IGF2R: variants seen among roughly 807,000 people sequenced by gnomAD.
The protein encoded by IGF2R is insulin like growth factor 2 receptor.
IGF2R carries 91 observed loss-of-function variants against 270.6 expected under a neutral mutation model. The observed-to-expected ratio is 0.34, with a 90% CI of 0.28 to 0.40. IGF2R has a LOEUF of 0.40. Among genes scored for constraint, IGF2R ranks in the 10% least tolerant of loss-of-function variants. The pLI, the probability that IGF2R is intolerant of heterozygous loss-of-function variation, is 1.00. For missense variants in IGF2R, 2,805 were observed against 3,188.3 expected (o/e 0.88, Z 2.90); for synonymous variants, 1,316 against 1,258.9 (o/e 1.05, Z -0.96).
chr6:160,023,412 C>T (rs1236117725), intron 4 of IGF2R, among the ~76,000 whole-genome samples: 6 of 151,982 alleles, frequency 3.9e-5, no homozygotes, highest in African/African-American at 1.2e-4. Context: ...ATCAAAGGCT[C>T]ATTTTAAATT....
In IGF2R at chr6:160,084,363, A is replaced by C. The variant is rs1779053164; in HGVS notation, c.6068+179A>C. Among the ~76,000 whole-genome samples, 1 of 152,148 alleles carries C rather than the reference A, an allele frequency of 6.6e-6. No homozygotes were observed. Among genetic ancestry groups the C allele is most frequent in the African/African-American group, 2.4e-5 (1 of 41,436 alleles). On this transcript the variant is annotated intron_variant, in intron 40 of 47. Coordinates refer to ENST00000356956, the MANE Select transcript of IGF2R (RefSeq NM_000876.4). This position sits in a 1 kb window ranked among gnomAD's most constrained non-coding sequence, Gnocchi z 4.6. ...GCCCGCAGTGTCAATCCTGGCACAG[A>C]GGGTGGTTCTGAGGTCAGAGTGGGG... is the stretch of plus-strand genomic sequence containing the variant.
chr6:160,061,575 C>T lies in IGF2R; in HGVS notation c.3335C>T (p.Ser1112Phe). Reference sequence around the variant, plus strand: ...AAACCTTGGACGGCTGTTGACACCTCTGTCGATGGGAGAAAGAGGACTTTC... The same window carrying T: ...AAACCTTGGACGGCTGTTGACACCTTTGTCGATGGGAGAAAGAGGACTTTC... Reference protein sequence around the residue: ...VRKPWTAVDTSVDGRKRTFYL... With the variant: ...VRKPWTAVDTFVDGRKRTFYL... The change falls in exon 24 of 48, where the codon TCT (serine) becomes TTT (phenylalanine). Residue 1112 changes from serine (S) to phenylalanine (F), a missense_variant. Physicochemically the swap from Ser to Phe is radical, Grantham distance 155. This residue lies in a region of IGF2R where 1,851 missense variants were observed against 2,207.2 expected (regional missense o/e 0.84). Transcript: ENST00000356956. 3 of 1,614,104 alleles carry T rather than the reference C, an allele frequency of 1.9e-6. No individual in the cohort carries two copies. In the South Asian group the frequency reaches 3.3e-5, roughly 18 times the overall value.
intron 1 of IGF2R, among the ~76,000 whole-genome samples, chr6:159,974,566 G>A (rs892189515): frequency 6.6e-6 from 1 of 152,272 alleles, no homozygotes; most frequent in African/African-American, 2.4e-5. Flanking sequence ...TATGGTTTGT[G>A]CTTTTGGTAG....
chr6:160,013,085 T>C (rs1048427501), intron 4 of IGF2R, among the ~76,000 whole-genome samples: 2 of 152,080 alleles, frequency 1.3e-5, no homozygotes, highest in African/African-American at 4.8e-5. Flanking sequence ...TCCAACCTGA[T>C]CATGATACCC....
Position 160,084,997 on chromosome 6 carries a change from A to G in IGF2R, c.6071A>G (p.Tyr2024Cys). ...SWSLVHNGVS[Y>C]YINLCQKIYK... is the part of the protein sequence containing the mutation. ...TGCCCCTTTGTGTCGTTTTCTAGGT[A>G]CTATATAAATCTGTGCCAGAAAATA... is the stretch of plus-strand genomic sequence containing the variant. Residue 2024 changes from tyrosine to cysteine, a missense_variant and splice_region_variant, in exon 41 of 48, where the codon TAC (tyrosine) becomes TGC (cysteine). Around this residue, in one of 2 missense-constraint regions of IGF2R, gnomAD observed 1,851 missense variants for 2,207.2 expected, o/e 0.84. Transcript: ENST00000356956. This position sits in a 1 kb window ranked among gnomAD's most constrained non-coding sequence, Gnocchi z 4.6. 3 of 1,613,320 alleles carry G rather than the reference A, an allele frequency of 1.9e-6. No individual in the cohort carries two copies. Among genetic ancestry groups the G allele is most frequent in the Non-Finnish European group, 2.5e-6 (3 of 1,179,378 alleles).
rs777070503 is a variant in IGF2R, at chr6:160,045,821, T to C, written c.1842T>C (p.Ala614=). 1.2e-6 allele frequency: 2 copies of C among 1,612,782 alleles called. No individual in the cohort carries two copies. The highest frequency in any genetic ancestry group is 3.3e-5 in the Admixed American group (2 of 59,910). ...TTTATGAGTTTGAGTGGCACACAGC[T>C]GCGGCCTGTGTGCTGTCTAAGACAG... ...GCFYEFEWHT[A]AACVLSKTEG... Residue 614 remains alanine (A), a synonymous_variant, in exon 14 of 48, where the codon GCT becomes GCC. Coordinates refer to ENST00000356956, the MANE Select transcript of IGF2R (RefSeq NM_000876.4).
chr6:160,084,151 C>G lies in IGF2R; in HGVS notation c.6035C>G (p.Thr2012Ser). 6.2e-7 allele frequency: 1 copy of G among 1,614,026 alleles called. No homozygotes were observed. The highest frequency in any genetic ancestry group is 8.5e-7 in the Non-Finnish European group (1 of 1,179,876). ...TYDLRLLSSL[T>S]GSWSLVHNGV... Reference sequence around the variant, plus strand: ...GACCTGCGGCTGCTCTCCTCTCTCACCGGGTCCTGGTCCCTCGTCCACAAC... The same window carrying G: ...GACCTGCGGCTGCTCTCCTCTCTCAGCGGGTCCTGGTCCCTCGTCCACAAC... Residue 2012 changes from threonine to serine, a missense_variant, in exon 40 of 48, where the codon ACC becomes AGC. Around this residue, in one of 2 missense-constraint regions of IGF2R, gnomAD observed 1,851 missense variants for 2,207.2 expected, o/e 0.84. Coordinates refer to ENST00000356956, the MANE Select transcript of IGF2R (RefSeq NM_000876.4). This position sits in a 1 kb window ranked among gnomAD's most constrained non-coding sequence, Gnocchi z 4.6.
At chr6:160,083,531 C>T (rs1036850356) in intron 39 of IGF2R, among the ~76,000 whole-genome samples, 1 of 152,218 alleles carries the variant, frequency 6.6e-6, no homozygotes, top group Non-Finnish European at 1.5e-5. Context: ...CTTTCTCATC[C>T]CACGAGGCCA....
intron 4 of IGF2R, among the ~76,000 whole-genome samples, chr6:160,019,429 C>A (rs1219746297): frequency 2.0e-5 from 3 of 152,090 alleles, no homozygotes; most frequent in African/African-American, 4.8e-5. Context: ...GAAACTGTTA[C>A]CAAAAATCAG....
At chr6:160,009,213 T>G in intron 3 of IGF2R, 79 bp downstream of exon 3, 6 of 1,284,280 alleles carry the variant, frequency 4.7e-6, no homozygotes, top group East Asian at 2.5e-5. Flanking sequence ...GTAGAGGTAT[T>G]CCAGGAAGAA....
chr6:159,981,352 A>T (rs745314191), intron 1 of IGF2R, among the ~76,000 whole-genome samples: 13 of 150,704 alleles, frequency 8.6e-5, no homozygotes, highest in Non-Finnish European at 1.6e-4. Context: ...TGTGTGTGTG[A>T]GTGTGTTTGT....
At chr6:160,099,437 G>A (rs540107683) in intron 45 of IGF2R, among the ~76,000 whole-genome samples, 1 of 152,202 alleles carries the variant, frequency 6.6e-6, no homozygotes, top group East Asian at 1.9e-4. Context: ...CGCGATCTCG[G>A]CTCACTGCAA....
intron 14 of IGF2R, among the ~76,000 whole-genome samples, 165 bp from the exon 15 acceptor site, chr6:160,046,333 G>A (rs568251137): frequency 3.3e-5 from 5 of 152,244 alleles, no homozygotes; most frequent in South Asian, 4.1e-4. Flanking sequence ...TAGTAATCGC[G>A]GTTCTGGTGG....
At chr6:159,994,340 CT>C (rs933592876) in intron 2 of IGF2R, among the ~76,000 whole-genome samples, 17 of 151,668 alleles carry the variant, frequency 1.1e-4, no homozygotes, top group Admixed American at 7.9e-4. Context: ...TGTGTCTCTT[CT>C]TTTTTTGGTT....
chr6:159,994,185 G>A (rs1300080217), intron 2 of IGF2R, among the ~76,000 whole-genome samples: 1 of 151,660 alleles, frequency 6.6e-6, no homozygotes. Context: ...AATCTTGGGA[G>A]GTTGTATGTT....
At chr6:160,041,528 A>G (rs1777945809) in intron 11 of IGF2R, among the ~76,000 whole-genome samples, 1 of 152,176 alleles carries the variant, frequency 6.6e-6, no homozygotes, top group Non-Finnish European at 1.5e-5. Context: ...CAGTAGGTGC[A>G]GCAAACCACC....
chr6:159,972,916 A>G (rs906099781), intron 1 of IGF2R, among the ~76,000 whole-genome samples: 1 of 152,198 alleles, frequency 6.6e-6, no homozygotes, highest in Admixed American at 6.5e-5. Context: ...TCAGCAAAGC[A>G]TTTTTCAAGT....
chr6:160,070,172 G>T (rs1778684987), intron 31 of IGF2R, 114 bp downstream of exon 31: 2 of 1,008,414 alleles, frequency 2.0e-6, no homozygotes, highest in African/African-American at 1.6e-5. Flanking sequence ...TAGAGCCTGG[G>T]ATGATGCGCC....
intron 2 of IGF2R, 49 bp downstream of exon 2, chr6:159,991,372 T>C: frequency 6.3e-7 from 1 of 1,578,722 alleles, no homozygotes; most frequent in Non-Finnish European, 8.6e-7. Flanking sequence ...GATTCCCCAA[T>C]TTTGCAAAAA....
Sources: gnomAD v4.1 joint callset for allele counts (sites outside exome capture counted in the v4.1 genomes callset) on GRCh38, gnomAD v4.1.1 for gene constraint, gnomAD v4.1.1 regional missense constraint, Gnocchi (gnomAD v3.1) non-coding constraint, MANE v1.5 for transcripts, NCBI Gene and HGNC (gene_info 2026-07-23, HGNC 2026-07-21) for gene names.